Variants in ADTRP observed in about 807,000 individuals in gnomAD.
ADTRP encodes the protein androgen dependent TFPI regulating protein.
Under a neutral mutation model 27.0 loss-of-function variants are expected in ADTRP, and 20 were observed. The observed-to-expected ratio is 0.74, with a 90% CI of 0.52 to 1.08. The LOEUF (loss-of-function observed/expected upper bound fraction) is 1.08. Among genes scored for constraint, ADTRP ranks in the 50% least tolerant of loss-of-function variants. The probability of loss-of-function intolerance (pLI) is 0.00; values close to 1 mark genes in which losing one functional copy is unlikely to be tolerated. For synonymous variants in ADTRP, 101 were observed against 105.2 expected, an observed-to-expected ratio of 0.96 and a Z score of 0.25; for missense variants, 251 against 275.0, an observed-to-expected ratio of 0.91 and a Z score of 0.62.
intron 3 of ADTRP, among the ~76,000 whole-genome samples, chr6:11,745,813 C>T (rs943885829): frequency 6.6e-6 from 1 of 151,294 alleles, no homozygotes; most frequent in African/African-American, 2.4e-5. Context: ...TTTTTTGAGA[C>T]AGAGTCTTGC....
Position 11,723,334 on chromosome 6 carries a change from A to G in ADTRP, c.658+15T>C. 1.2e-6 allele frequency: 2 copies of G among 1,612,950 alleles called. No individual in the cohort carries two copies. The highest frequency in any genetic ancestry group is 1.7e-6 in the Non-Finnish European group (2 of 1,179,654). On this transcript the variant is annotated intron_variant, in intron 5 of 5. Coordinates refer to ENST00000414691, the MANE Select transcript of ADTRP (RefSeq NM_032744.4). ...GGAAGAAGCGCATCTGTAGCTAAGA[A>G]AGAAATACACTGACCCCATTTCCAG...
chr6:11,774,361 A>C (rs1763883370), intron 1 of ADTRP, among the ~76,000 whole-genome samples: 2 of 101,060 alleles, frequency 2.0e-5, no homozygotes, highest in African/African-American at 6.6e-5. Context: ...TTATTACTTA[A>C]GGTTGGTCCC....
At position 11,766,351 on chromosome 6, in the gene ADTRP, G is replaced by A. The variant is rs1277905961; in HGVS notation, c.313C>T (p.Leu105Phe). ...ATGAGATCTCGATTGTAGAGAAAGA[G>A]GATCCAGAATGCCAAAAATACAAAC... ...STFVFLAFWI[L>F]FLYNRDLIYP... Residue 105 changes from leucine to phenylalanine, a missense_variant, in exon 3 of 6, where the codon CTC becomes TTC. By Grantham distance (22) the Leu-to-Phe change is conservative. Coordinates refer to ENST00000414691, the MANE Select transcript of ADTRP (RefSeq NM_032744.4). 2.2e-5 allele frequency: 36 copies of A among 1,611,706 alleles called. No homozygotes were observed. Among genetic ancestry groups the A allele is most frequent in the Non-Finnish European group, 3.1e-5 (36 of 1,178,810 alleles).
At chr6:11,714,613 G>T in intron 5 of ADTRP, 101 bp from the exon 6 acceptor site, 1 of 1,348,736 alleles carries the variant, frequency 7.4e-7, no homozygotes, top group Non-Finnish European at 1.0e-6. Flanking sequence ...GCAGTGGAAA[G>T]TTGAACACAC....
rs999414309 is a variant in ADTRP at position 11,723,466 on chromosome 6, C to T, written c.541G>A (p.Val181Met). The change falls in exon 5 of 6, where the codon GTG becomes ATG. Residue 181 changes from valine (V) to methionine (M), a missense_variant. By Grantham distance (21) the Val-to-Met change is conservative. Transcript: ENST00000414691. ...CTGAGTTTGGCAAACACAGGATACACCCAGGTACCCGTCTCAAAGTAGAGC... is the reference window on the plus strand; with the variant it reads ...CTGAGTTTGGCAAACACAGGATACATCCAGGTACCCGTCTCAAAGTAGAGC... ...LWLYFETGTW[V>M]YPVFAKLSLL... 3.7e-6 allele frequency: 6 copies of T among 1,614,084 alleles called. No homozygotes were observed. The highest frequency in any genetic ancestry group is 5.1e-6 in the Non-Finnish European group (6 of 1,180,006).
chr6:11,717,294 G>GC, intron 5 of ADTRP: 4 of 1,303,716 alleles, frequency 3.1e-6, no homozygotes, highest in Non-Finnish European at 4.0e-6. Flanking sequence ...TATTTTTATA[G>GC]CCCTGATATT....
At position 11,754,245 on chromosome 6, in the gene ADTRP, T is replaced by A. The variant is rs372478940; in HGVS notation, c.390+12029A>T. ...TTTCTTGTCCTCATTTCTGCACCCC[T>A]CTTTAGTTTTACCCCATTGTAAAGT... is the stretch of plus-strand genomic sequence containing the variant. On this transcript the variant is annotated intron_variant, in intron 3 of 5. Transcript: ENST00000414691. 8.1e-4 allele frequency among the ~76,000 whole-genome samples: 123 copies of A among 152,298 alleles called. No individual in the cohort carries two copies. In the South Asian group the frequency reaches 8.7e-3, roughly 11 times the overall value.
At chr6:11,770,182 G>C in intron 1 of ADTRP, 1 of 1,173,920 alleles carries the variant, frequency 8.5e-7, no homozygotes, top group Non-Finnish European at 1.2e-6. Context: ...TCTCCAGGTG[G>C]GAGAATGAAC....
intron 2 of ADTRP, 127 bp downstream of exon 2, chr6:11,768,122 G>T: frequency 8.5e-7 from 1 of 1,179,118 alleles, no homozygotes; most frequent in African/African-American, 1.5e-5. Flanking sequence ...TCCTCAGACA[G>T]GACATTGTTG....
intron 4 of ADTRP, among the ~76,000 whole-genome samples, chr6:11,734,747 A>C (rs1031777021): frequency 2.0e-5 from 3 of 152,106 alleles, no homozygotes; most frequent in Non-Finnish European, 4.4e-5. Context: ...CTGACAGAGC[A>C]CTGAACTGAA....
intron 3 of ADTRP, among the ~76,000 whole-genome samples, chr6:11,742,398 CAT>C (rs1271088821): frequency 1.3e-5 from 2 of 152,128 alleles, no homozygotes; most frequent in African/African-American, 4.8e-5. Flanking sequence ...CATTTATTAA[CAT>C]GAGAAGATAG....
At chr6:11,718,235 A>G (rs1032697926) in intron 5 of ADTRP, among the ~76,000 whole-genome samples, 1 of 152,216 alleles carries the variant, frequency 6.6e-6, no homozygotes, top group African/African-American at 2.4e-5. Context: ...GACTCCTGGC[A>G]TGTGTCCATC....
chr6:11,733,043 A>G (rs2113896356), intron 4 of ADTRP, among the ~76,000 whole-genome samples: 1 of 152,266 alleles, frequency 6.6e-6, no homozygotes, highest in Non-Finnish European at 1.5e-5. Context: ...CTGCCATATG[A>G]CCATGGGCAT....
At chr6:11,726,462 G>T (rs750229525) in intron 4 of ADTRP, among the ~76,000 whole-genome samples, 12 of 152,096 alleles carry the variant, frequency 7.9e-5, no homozygotes, top group Non-Finnish European at 1.3e-4. Context: ...TAAATCTAGG[G>T]TGCCCCTCAG....
At position 11,723,360 on chromosome 6, in the gene ADTRP, T is replaced by C; in HGVS notation, c.647A>G (p.His216Arg). The C allele has an allele frequency of 6.2e-7, 1 of 1,613,908 alleles. No homozygotes were observed. Among genetic ancestry groups the C allele is most frequent in the South Asian group, 1.1e-5 (1 of 91,062 alleles). Residue 216 changes from histidine to arginine, a missense_variant, in exon 5 of 6, where the codon CAC (histidine) becomes CGC (arginine). Coordinates refer to ENST00000414691, the MANE Select transcript of ADTRP (RefSeq NM_032744.4). The stretch of plus-strand genomic sequence containing the variant: ...AGAAATACACTGACCCCATTTCCAG[T>C]GGTTGAGCTTCTCTCCAAGTAGGTA... ...SIYLLGEKLN[H>R]WKWGDMRQPR...
chr6:11,751,302 C>G (rs1763044266), intron 3 of ADTRP, among the ~76,000 whole-genome samples: 1 of 152,200 alleles, frequency 6.6e-6, no homozygotes, highest in Non-Finnish European at 1.5e-5. Flanking sequence ...CTAATCTACC[C>G]CATACCACTT....
At chr6:11,758,494 C>T (rs112870503) in intron 3 of ADTRP, among the ~76,000 whole-genome samples, 2,244 of 138,854 alleles carry the variant, frequency 0.016, 65 homozygotes, top group African/African-American at 0.058. Flanking sequence ...ACCGCATGTT[C>T]TCATTCATAG....
chr6:11,722,698 A>T (rs1392210806), intron 5 of ADTRP, among the ~76,000 whole-genome samples: 1 of 152,048 alleles, frequency 6.6e-6, no homozygotes, highest in Non-Finnish European at 1.5e-5. Flanking sequence ...AAAATTAACT[A>T]AGTTAAGATG....
chr6:11,774,865 G>A (rs978111942), intron 1 of ADTRP, among the ~76,000 whole-genome samples: 2 of 152,228 alleles, frequency 1.3e-5, no homozygotes, highest in Non-Finnish European at 2.9e-5. Context: ...TGGACAGAGA[G>A]CAAGGGACAT....
Sources: allele counts gnomAD v4.1 joint callset (sites outside exome capture counted in the v4.1 genomes callset), GRCh38; gene constraint gnomAD v4.1.1; transcripts MANE v1.5; gene names NCBI Gene and HGNC (gene_info 2026-07-23, HGNC 2026-07-21).